The following TAF4B variants were observed in gnomAD, a reference collection of about 807,000 sequenced individuals.
The protein encoded by TAF4B is transcription initiation factor TFIID subunit 4B.
TAF4B carries 38 observed loss-of-function variants against 86.4 expected under a neutral mutation model. That is an observed-to-expected ratio of 0.44 (90% confidence interval 0.34 to 0.58). The LOEUF is 0.58. Ranked by LOEUF, TAF4B falls within the 20% of genes least tolerant of loss-of-function variation. The pLI, the probability that TAF4B is intolerant of heterozygous loss-of-function variation, is 0.02. For synonymous variants in TAF4B, 388 were observed against 391.2 expected (o/e 0.99, Z 0.10); for missense variants, 988 against 1,027.6 (o/e 0.96, Z 0.53).
intron 9 of TAF4B, 116 bp downstream of exon 9, chr18:26,293,647 C>A: frequency 1.7e-6 from 1 of 603,532 alleles, no homozygotes; most frequent in Non-Finnish European, 2.8e-6. Flanking sequence ...ACAAAGCTAA[C>A]AGTACTTTAT....
chr18:26,238,034 A>G (rs548331985), intron 1 of TAF4B, among the ~76,000 whole-genome samples: 80 of 152,246 alleles, frequency 5.3e-4, no homozygotes, highest in Non-Finnish European at 9.6e-4. Flanking sequence ...CAGCAGAAAC[A>G]ATAGTTTTCC....
chr18:26,361,023 A>AAT (rs1387119354), intron 14 of TAF4B, among the ~76,000 whole-genome samples: 1 of 152,136 alleles, frequency 6.6e-6, no homozygotes, highest in African/African-American at 2.4e-5. Flanking sequence ...AGGACTGCCC[A>AAT]ATATAGTAGC....
At chr18:26,358,667 G>A (rs918986390) in intron 14 of TAF4B, among the ~76,000 whole-genome samples, 9 of 152,246 alleles carry the variant, frequency 5.9e-5, no homozygotes, top group Middle Eastern at 3.4e-3. Context: ...CCAAGATCGC[G>A]CCACTGCACT....
At chr18:26,388,630 A>C (rs965438011) in intron 14 of TAF4B, among the ~76,000 whole-genome samples, 3 of 152,164 alleles carry the variant, frequency 2.0e-5, no homozygotes, top group African/African-American at 7.2e-5. Context: ...TTGGCCTAGA[A>C]TGGCCTCTTT....
Position 26,273,855 on chromosome 18 carries a change from T to C in TAF4B, c.598-808T>C, listed in dbSNP as rs2056350604. ...AACTTGACCTTTTTGTGTTGCATGCTTGTAGAACATAGACATTTAAATTAA... is the reference window on the plus strand; with the variant it reads ...AACTTGACCTTTTTGTGTTGCATGCCTGTAGAACATAGACATTTAAATTAA... On this transcript the variant is annotated intron_variant, in intron 3 of 14. Transcript: ENST00000269142. Among the ~76,000 whole-genome samples the C allele has an allele frequency of 2.0e-5, 3 of 152,248 alleles. No individual in the cohort carries two copies. The South Asian group carries it at 6.2e-4, about 32-fold the overall frequency.
At chr18:26,246,823 G>A (rs1023742739) in intron 1 of TAF4B, among the ~76,000 whole-genome samples, 3 of 148,120 alleles carry the variant, frequency 2.0e-5, no homozygotes, top group Admixed American at 2.0e-4. Flanking sequence ...GTGAGCCACC[G>A]CACCTGGCCT....
intron 1 of TAF4B, among the ~76,000 whole-genome samples, chr18:26,258,311 T>C (rs2056115900): frequency 6.6e-6 from 1 of 152,102 alleles, no homozygotes; most frequent in Non-Finnish European, 1.5e-5. Flanking sequence ...TCATTTGTTA[T>C]ATTACCTTAT....
intron 11 of TAF4B, 53 bp from the exon 12 acceptor site, chr18:26,326,962 G>A (rs1168747791): frequency 1.3e-6 from 2 of 1,580,236 alleles, no homozygotes; most frequent in South Asian, 2.3e-5. Flanking sequence ...ACCTAATGTA[G>A]AATGTGTGGC....
At chr18:26,363,718 A>G (rs2057348484) in intron 14 of TAF4B, among the ~76,000 whole-genome samples, 1 of 152,206 alleles carries the variant, frequency 6.6e-6, no homozygotes, top group Non-Finnish European at 1.5e-5. Flanking sequence ...TTTACTTTCA[A>G]TATTCTGTAC....
intron 9 of TAF4B, among the ~76,000 whole-genome samples, chr18:26,305,788 A>G (rs1288221238): frequency 1.3e-5 from 2 of 152,176 alleles, no homozygotes; most frequent in Non-Finnish European, 2.9e-5. Flanking sequence ...TATCGAAGGT[A>G]TCTTAATTTT....
chr18:26,274,220 A>G (rs2056355279), intron 3 of TAF4B, among the ~76,000 whole-genome samples: 2 of 152,232 alleles, frequency 1.3e-5, no homozygotes, highest in African/African-American at 2.4e-5. Context: ...AATTTTAGAT[A>G]ATAAGTAGAT....
rs1978693743 is a variant in TAF4B at position 26,391,269 on chromosome 18, A to G, written c.*1257A>G. 1.3e-5 allele frequency: 2 copies of G among 151,512 alleles called. No homozygotes were observed. The highest frequency in any genetic ancestry group is 1.3e-4 in the Admixed American group (2 of 15,172). The allele number at this position is 151,512 out of a possible 1,614,324, so 9.4% of individuals were successfully genotyped here. A position where few individuals can be genotyped will look rare whatever the true frequency, so the allele number is the denominator to read the frequency against. On this transcript the variant is annotated 3_prime_UTR_variant, in exon 15 of 15. Transcript: ENST00000269142. ...GGAATACAGCCGGTGAAAAATAATC[A>G]CTGTAGTTAGAATCACATACAGAAA...
At chr18:26,348,027 C>T (rs79449105) in intron 13 of TAF4B, among the ~76,000 whole-genome samples, 2,906 of 152,258 alleles carry the variant, frequency 0.019, 79 homozygotes, top group African/African-American at 0.066. Flanking sequence ...AGAAAATCAA[C>T]GAAGAAACAT....
At chr18:26,372,277 A>G (rs926130719) in intron 14 of TAF4B, among the ~76,000 whole-genome samples, 1 of 152,236 alleles carries the variant, frequency 6.6e-6, no homozygotes, top group African/African-American at 2.4e-5. Flanking sequence ...TGAAAAATGC[A>G]AGAGTGGTGA....
At chr18:26,332,870 T>A (rs1037378435) in intron 12 of TAF4B, among the ~76,000 whole-genome samples, 3 of 152,010 alleles carry the variant, frequency 2.0e-5, no homozygotes, top group Non-Finnish European at 2.9e-5. Context: ...AAGCCCCAAT[T>A]CCTTATCATG....
intron 1 of TAF4B, among the ~76,000 whole-genome samples, chr18:26,250,751 TAA>T (rs2055994671): frequency 1.3e-5 from 2 of 151,952 alleles, no homozygotes; most frequent in African/African-American, 4.8e-5. Flanking sequence ...TACATACATA[TAA>T]AAAGACCAAC....
In TAF4B at chr18:26,329,143, C is replaced by T. The variant is rs139275832; in HGVS notation, c.2259+2003C>T. ...TGTGATCGTGGCTCACTGCAGCCTTCACCTCTCAGGCTCAAGCAATCCTCC... is the reference window on the plus strand; with the variant it reads ...TGTGATCGTGGCTCACTGCAGCCTTTACCTCTCAGGCTCAAGCAATCCTCC... On this transcript the variant is annotated intron_variant, in intron 12 of 14. Transcript: ENST00000269142. Among the ~76,000 whole-genome samples the T allele has an allele frequency of 5.9e-5, 9 of 152,010 alleles. No individual in the cohort carries two copies. The East Asian group carries it at 1.6e-3, about 26-fold the overall frequency.
intron 3 of TAF4B, among the ~76,000 whole-genome samples, chr18:26,271,964 G>A (rs2056324731): frequency 6.7e-6 from 1 of 150,026 alleles, no homozygotes; most frequent in African/African-American, 2.4e-5. Context: ...AGGGTGAGGG[G>A]GAATGGAATT....
intron 14 of TAF4B, among the ~76,000 whole-genome samples, chr18:26,384,784 C>T (rs1978315628): frequency 6.6e-6 from 1 of 152,206 alleles, no homozygotes; most frequent in African/African-American, 2.4e-5. Flanking sequence ...GTCATTTAAT[C>T]TTCAAACCAG....
Sources: allele counts gnomAD v4.1 joint callset (sites outside exome capture counted in the v4.1 genomes callset), GRCh38; gene constraint gnomAD v4.1.1; transcripts MANE v1.5; gene names NCBI Gene and HGNC (gene_info 2026-07-23, HGNC 2026-07-21).